The following C5 variants were observed in gnomAD, a reference collection of about 807,000 sequenced individuals.
C5 encodes complement C5.
In C5, 140 loss-of-function variants were observed where a neutral mutation model predicts 218.8. That is an observed-to-expected ratio of 0.64 (90% CI 0.56 to 0.74). The LOEUF (loss-of-function observed/expected upper bound fraction) is 0.74, where lower values mean the gene tolerates loss of function less well. Ranked by LOEUF, C5 falls within the 30% of genes least tolerant of loss-of-function variation. C5 has a pLI of 0.00. For missense variants in C5, 1,700 were observed against 1,969.6 expected (o/e 0.86, Z 2.59); for synonymous variants, 614 against 682.3 (o/e 0.90, Z 1.56).
the C5 span, among the ~76,000 whole-genome samples, chr9:121,072,372 C>CAATGAGGT: frequency 6.6e-6 from 1 of 152,262 alleles, no homozygotes; most frequent in African/African-American, 2.4e-5. Flanking sequence ...AGGGACACAG[C>CAATGAGGT]AATGAGGTTA....
At chr9:121,064,250 T>C in the C5 span, among the ~76,000 whole-genome samples, 3 of 152,192 alleles carry the variant, frequency 2.0e-5, no homozygotes, top group African/African-American at 7.2e-5. Context: ...TTAAGTTAAC[T>C]TCACTTTTTT....
chr9:121,005,773 T>A, intron 20 of C5, 146 bp downstream of exon 20: 1 of 748,986 alleles, frequency 1.3e-6, no homozygotes. Flanking sequence ...CCTACACATA[T>A]AGTACAATGC....
At chr9:121,025,785 G>A (rs1234748227) in intron 8 of C5, 4 of 499,226 alleles carry the variant, frequency 8.0e-6, no homozygotes, top group African/African-American at 7.8e-5. Flanking sequence ...GAAGTAGAAG[G>A]GTCTTGAACA....
intron 34 of C5, among the ~76,000 whole-genome samples, chr9:120,963,360 A>G (rs2046841819): frequency 6.6e-6 from 1 of 151,964 alleles, no homozygotes; most frequent in African/African-American, 2.4e-5. Context: ...CAAAAAAATT[A>G]GCCAGGTGTG....
At chr9:121,001,370 A>T (rs1340093141) in intron 20 of C5, among the ~76,000 whole-genome samples, 1 of 152,214 alleles carries the variant, frequency 6.6e-6, no homozygotes, top group East Asian at 1.9e-4. Flanking sequence ...AGAATACATG[A>T]AAGAAGAAAT....
the C5 span, among the ~76,000 whole-genome samples, chr9:121,057,686 A>G: frequency 6.6e-6 from 1 of 152,140 alleles, no homozygotes; most frequent in South Asian, 2.1e-4. Context: ...TCACTTTTAC[A>G]CAAAGGAAGA....
At chr9:120,975,041 T>G in intron 29 of C5, 110 bp from the exon 30 acceptor site, 2 of 1,226,132 alleles carry the variant, frequency 1.6e-6, no homozygotes, top group South Asian at 2.5e-5. Flanking sequence ...GAGATGAAAC[T>G]CCAGCTGACT....
chr9:121,025,577 T>A lies in C5; in HGVS notation c.877A>T (p.Ile293Leu). 1 of 1,612,100 alleles carries A rather than the reference T, an allele frequency of 6.2e-7. No individual in the cohort carries two copies. The highest frequency in any genetic ancestry group is 1.7e-4 in the Middle Eastern group (1 of 6,038). The change falls in exon 9 of 41, where the codon ATA (isoleucine) becomes TTA (leucine). Residue 293 changes from isoleucine (I) to leucine (L), a missense_variant. By Grantham distance (5) the Ile-to-Leu change is conservative. Coordinates refer to ENST00000223642, the MANE Select transcript of C5 (RefSeq NM_001735.3). Reference sequence around the variant, plus strand: ...AATGTGACTTGAGCAATTCCATTTATCAACTTTTTAAAAGGAGAAAAAGGA... The same window carrying A: ...AATGTGACTTGAGCAATTCCATTTAACAACTTTTTAAAAGGAGAAAAAGGA... ...MQTAMQNTML[I>L]NGIAQVTFDS...
intron 20 of C5, among the ~76,000 whole-genome samples, chr9:121,002,120 G>A (rs2047166176): frequency 6.7e-6 from 1 of 148,670 alleles, no homozygotes; most frequent in African/African-American, 2.5e-5. Flanking sequence ...CTGAGGCAGT[G>A]TGTGTATATA....
At chr9:121,004,148 C>T (rs1302417735) in intron 20 of C5, among the ~76,000 whole-genome samples, 1 of 152,064 alleles carries the variant, frequency 6.6e-6, no homozygotes, top group Non-Finnish European at 1.5e-5. Context: ...AGATTATAGG[C>T]CTGAGCCACC....
chr9:120,976,857 T>C lies in C5; in HGVS notation c.3707A>G (p.Asp1236Gly). ...CGTACCAGTGTTAGGTACAGAGCTGTCTTTATGCTGAAGATTGTCTTTCCA... is the reference window on the plus strand; with the variant it reads ...CGTACCAGTGTTAGGTACAGAGCTGCCTTTATGCTGAAGATTGTCTTTCCA... Reference protein sequence around the residue: ...RFWKDNLQHKDSSVPNTGTAR... With the variant: ...RFWKDNLQHKGSSVPNTGTAR... Residue 1236 changes from aspartate (D) to glycine (G), a missense_variant, in exon 29 of 41, where the codon GAC becomes GGC. Transcript: ENST00000223642. 1 of 1,614,168 alleles carries C rather than the reference T, an allele frequency of 6.2e-7. No individual in the cohort carries two copies. The highest frequency in any genetic ancestry group is 1.3e-5 in the African/African-American group (1 of 75,062).
At chr9:121,030,531 G>C (rs2131796223) in intron 6 of C5, 44 bp from the exon 7 acceptor site, 1 of 1,203,092 alleles carries the variant, frequency 8.3e-7, no homozygotes, top group East Asian at 2.6e-5. Flanking sequence ...TTTGATTAGA[G>C]CAGACTTTAA....
chr9:120,999,363 G>T (rs190132266), intron 20 of C5, among the ~76,000 whole-genome samples: 77 of 152,250 alleles, frequency 5.1e-4, no homozygotes, highest in African/African-American at 1.8e-3. Context: ...TTACCCTGAG[G>T]GCAGGTCCCA....
chr9:120,995,861 C>T (rs1028923199), intron 22 of C5, among the ~76,000 whole-genome samples: 2 of 150,934 alleles, frequency 1.3e-5, no homozygotes, highest in African/African-American at 4.9e-5. Context: ...CTCTGTCGCC[C>T]AGGCTGGAGT....
At chr9:121,037,606 C>A (rs1056820963) in intron 4 of C5, among the ~76,000 whole-genome samples, 15 of 152,068 alleles carry the variant, frequency 9.9e-5, no homozygotes, top group African/African-American at 3.6e-4. Context: ...CCACCACGCC[C>A]GGCCAGTGGG....
chr9:121,022,338 T>C (rs771672130), intron 10 of C5, among the ~76,000 whole-genome samples: 16 of 151,062 alleles, frequency 1.1e-4, no homozygotes, highest in Non-Finnish European at 2.2e-4. Flanking sequence ...CACACAGATA[T>C]AGTTTGTTAT....
At chr9:120,990,826 C>T (rs1020866504) in intron 23 of C5, among the ~76,000 whole-genome samples, 12 of 152,186 alleles carry the variant, frequency 7.9e-5, no homozygotes, top group Non-Finnish European at 1.3e-4. Context: ...GTGCTGTTCT[C>T]GCTAGGCCAT....
chr9:121,022,837 G>A (rs1334971023), intron 10 of C5, among the ~76,000 whole-genome samples: 3 of 151,928 alleles, frequency 2.0e-5, no homozygotes, highest in Non-Finnish European at 4.4e-5. Flanking sequence ...AATGAATGCA[G>A]AGGAGTAAGC....
intron 28 of C5, among the ~76,000 whole-genome samples, chr9:120,977,163 G>A (rs1302547043): frequency 6.6e-6 from 1 of 152,146 alleles, no homozygotes; most frequent in Non-Finnish European, 1.5e-5. Flanking sequence ...GCTCTGACAT[G>A]ATGCCACAGG....
Sources: allele counts gnomAD v4.1 joint callset (sites outside exome capture counted in the v4.1 genomes callset), GRCh38; gene constraint gnomAD v4.1.1; transcripts MANE v1.5; gene names NCBI Gene and HGNC (gene_info 2026-07-23, HGNC 2026-07-21).